ARHGAP10: variants seen among roughly 807,000 people sequenced by gnomAD.
ARHGAP10 encodes rho GTPase-activating protein 10.
In ARHGAP10, 87 loss-of-function variants were observed where a neutral mutation model predicts 108.6. The observed-to-expected ratio is 0.80, with a 90% confidence interval of 0.67 to 0.96. The LOEUF (loss-of-function observed/expected upper bound fraction) is 0.96. ARHGAP10 is among the 40% of genes least tolerant of loss of function. The pLI, the probability that ARHGAP10 is intolerant of heterozygous loss-of-function variation, is 0.00. For missense variants in ARHGAP10, 939 were observed against 954.5 expected (o/e 0.98, Z 0.21); for synonymous variants, 347 against 341.1 (o/e 1.02, Z -0.19).
intron 12 of ARHGAP10, among the ~76,000 whole-genome samples, chr4:147,911,597 C>CAA (rs1736737727): frequency 6.6e-6 from 1 of 151,712 alleles, no homozygotes; most frequent in Non-Finnish European, 1.5e-5. Flanking sequence ...CTCCTGACTT[C>CAA]GTGATCCGCC....
chr4:148,063,439 T>C, intron 21 of ARHGAP10, 139 bp downstream of exon 21: 3 of 1,179,924 alleles, frequency 2.5e-6, no homozygotes, highest in Non-Finnish European at 2.4e-6. Context: ...TGGACAGCAC[T>C]TACCACCTTG....
intron 7 of ARHGAP10, among the ~76,000 whole-genome samples, chr4:147,873,103 C>T (rs1158720557): frequency 1.3e-5 from 2 of 152,246 alleles, no homozygotes; most frequent in Non-Finnish European, 2.9e-5. Flanking sequence ...TGTGAGCACA[C>T]TGTGCCCAGA....
chr4:147,882,304 G>C lies in ARHGAP10; in HGVS notation c.1034+372G>C, dbSNP rs139593618. Among the ~76,000 whole-genome samples the C allele has an allele frequency of 6.2e-3, 940 of 151,812 alleles. 11 individuals are homozygous for C. The highest frequency in any genetic ancestry group is 0.022 in the African/African-American group (906 of 41,404). ...GGTGAAACTCTGTCTCTACTAAAAAGACAAAAAAATTAGCCAGGCGTGGTG... is the reference window on the plus strand; with the variant it reads ...GGTGAAACTCTGTCTCTACTAAAAACACAAAAAAATTAGCCAGGCGTGGTG... On this transcript the variant is annotated intron_variant, in intron 10 of 22. Transcript: ENST00000336498.
intron 15 of ARHGAP10, among the ~76,000 whole-genome samples, chr4:147,947,550 G>T (rs538026358): frequency 6.6e-6 from 1 of 151,328 alleles, no homozygotes; most frequent in East Asian, 2.0e-4. Flanking sequence ...TTACAGGCTT[G>T]CACCACCACG....
intron 13 of ARHGAP10, among the ~76,000 whole-genome samples, chr4:147,935,194 T>C (rs571675586): frequency 1.8e-3 from 278 of 152,190 alleles, no homozygotes; most frequent in Middle Eastern, 3.4e-3. Flanking sequence ...GCAGTCCCTG[T>C]AGGAAGATGA....
intron 13 of ARHGAP10, among the ~76,000 whole-genome samples, chr4:147,938,076 G>T (rs1738024222): frequency 6.6e-6 from 1 of 152,224 alleles, no homozygotes; most frequent in Non-Finnish European, 1.5e-5. Flanking sequence ...ATGGATGGAA[G>T]TGGAGGCCAT....
chr4:147,817,630 G>C (rs1284433978), intron 1 of ARHGAP10, among the ~76,000 whole-genome samples: 1 of 152,162 alleles, frequency 6.6e-6, no homozygotes, highest in Admixed American at 6.5e-5. Flanking sequence ...GGAAGAATTA[G>C]ATCACCTACA....
chr4:147,892,989 T>C (rs1735845120), intron 10 of ARHGAP10, among the ~76,000 whole-genome samples: 1 of 152,168 alleles, frequency 6.6e-6, no homozygotes, highest in Non-Finnish European at 1.5e-5. Context: ...AGTGCCACTG[T>C]TGAGAAGTCC....
chr4:147,851,097 G>A (rs1270080532), intron 4 of ARHGAP10, among the ~76,000 whole-genome samples: 1 of 152,190 alleles, frequency 6.6e-6, no homozygotes, highest in African/African-American at 2.4e-5. Context: ...AATCTATTCA[G>A]ATGCTATCTT....
intron 22 of ARHGAP10, 49 bp downstream of exon 22, chr4:148,064,556 T>G: frequency 6.6e-7 from 1 of 1,519,380 alleles, no homozygotes; most frequent in Non-Finnish European, 9.1e-7. Context: ...GCAGGATTAA[T>G]AAGTCTGCAG....
chr4:147,760,379 G>C (rs533778887), intron 1 of ARHGAP10, among the ~76,000 whole-genome samples: 2 of 152,210 alleles, frequency 1.3e-5, no homozygotes, highest in Non-Finnish European at 2.9e-5. Flanking sequence ...AGCTTGTCCA[G>C]ATTTATCAGG....
chr4:147,822,702 G>A, intron 1 of ARHGAP10, 25 bp from the exon 2 acceptor site: 1 of 1,602,952 alleles, frequency 6.2e-7, no homozygotes, highest in Non-Finnish European at 8.5e-7. Context: ...AAGAACCCAA[G>A]TCATCATTAT....
At chr4:147,941,268 A>G (rs1425464202) in intron 14 of ARHGAP10, among the ~76,000 whole-genome samples, 1 of 152,186 alleles carries the variant, frequency 6.6e-6, no homozygotes, top group Non-Finnish European at 1.5e-5. Context: ...GTTCCTGTTC[A>G]AGGAAAGTTT....
chr4:147,776,215 T>C (rs1461677147), intron 1 of ARHGAP10, among the ~76,000 whole-genome samples: 1 of 152,166 alleles, frequency 6.6e-6, no homozygotes, highest in African/African-American at 2.4e-5. Flanking sequence ...CTTTTGCGAA[T>C]GAATGATGGA....
intron 18 of ARHGAP10, among the ~76,000 whole-genome samples, chr4:148,009,145 T>G (rs1301372825): frequency 1.3e-5 from 2 of 152,076 alleles, no homozygotes; most frequent in African/African-American, 4.8e-5. Flanking sequence ...CTCTTTTTTT[T>G]TTTTGAGATG....
At chr4:147,863,360 G>A (rs1441633572) in intron 5 of ARHGAP10, 1 of 152,216 alleles carries the variant, frequency 6.6e-6, no homozygotes, top group Non-Finnish European at 1.5e-5. Flanking sequence ...CTGTCCCTTT[G>A]TGACTAGTTT....
At chr4:147,890,986 G>T (rs956896068) in intron 10 of ARHGAP10, among the ~76,000 whole-genome samples, 3 of 152,198 alleles carry the variant, frequency 2.0e-5, no homozygotes, top group African/African-American at 7.2e-5. Context: ...AACAAGTACT[G>T]GCAAGAATGT....
In ARHGAP10 at chr4:148,072,396, T is replaced by C. The variant is rs1730222574; in HGVS notation, c.*315T>C. On this transcript the variant is annotated 3_prime_UTR_variant, in exon 23 of 23. Transcript: ENST00000336498. ...AGGGAGGGCAGCCTTCTGCCACCTG[T>C]GTCGCCTCCACTGGCAGTCACGCCA... 1.0e-5 allele frequency: 3 copies of C among 299,492 alleles called. No individual in the cohort carries two copies. The highest frequency in any genetic ancestry group is 1.8e-5 in the Non-Finnish European group (3 of 162,702). 18.6% of individuals were successfully genotyped at this position (299,492 alleles called of 1,614,324 possible).
rs186937635 is a variant in ARHGAP10, at chr4:147,966,836, A to G, written c.1713A>G (p.Glu571=). 1.5e-5 allele frequency: 23 copies of G among 1,570,808 alleles called. No homozygotes were observed. In the African/African-American group the frequency reaches 2.8e-4, roughly 19 times the overall value. The change falls in exon 18 of 23, where the codon GAA becomes GAG. Residue 571 remains glutamate (E), a synonymous_variant. Coordinates refer to ENST00000336498, the MANE Select transcript of ARHGAP10 (RefSeq NM_024605.4). ...IVVEILIENH[E]KIFRTPPDTT... is the part of the protein sequence containing the mutation. Reference sequence around the variant, plus strand: ...TGGAAATCTTAATTGAAAACCATGAAAAGGTAAAATTTTTTTTTTCTTTAA... The same window carrying G: ...TGGAAATCTTAATTGAAAACCATGAGAAGGTAAAATTTTTTTTTTCTTTAA...
Sources: gnomAD v4.1 joint callset for allele counts (sites outside exome capture counted in the v4.1 genomes callset) on GRCh38, gnomAD v4.1.1 for gene constraint, MANE v1.5 for transcripts, NCBI Gene and HGNC (gene_info 2026-07-23, HGNC 2026-07-21) for gene names.